STK39: variants seen among roughly 807,000 people sequenced by gnomAD.
STK39 encodes serine/threonine kinase 39.
Under a neutral mutation model 77.8 loss-of-function variants are expected in STK39, and 20 were observed. The observed-to-expected ratio is 0.26, with a 90% CI of 0.18 to 0.37. STK39 has a LOEUF of 0.37. Ranked by LOEUF, STK39 falls within the 10% of genes least tolerant of loss-of-function variation. The pLI is 1.00. For synonymous variants in STK39, 246 were observed against 234.1 expected, an observed-to-expected ratio of 1.05 and a Z score of -0.47; for missense variants, 479 against 656.5, an observed-to-expected ratio of 0.73 and a Z score of 2.95.
intron 2 of STK39, among the ~76,000 whole-genome samples, chr2:168,173,747 C>T (rs1688886607): frequency 2.0e-5 from 3 of 152,088 alleles, no homozygotes; most frequent in African/African-American, 4.8e-5. Flanking sequence ...TAGGGTTTCA[C>T]CATTTTGGCC....
rs963383776 is a variant in STK39, at chr2:168,072,277, T to C, written c.1242+2705A>G. Among the ~76,000 whole-genome samples, 28 of 152,330 alleles carry C rather than the reference T, an allele frequency of 1.8e-4. 1 individual carries two copies. Among genetic ancestry groups the C allele is most frequent in the African/African-American group, 6.3e-4 (26 of 41,572 alleles). On this transcript the variant is annotated intron_variant, in intron 12 of 17. Transcript: ENST00000355999. ...AAACTCTGTTCAAACTGATGACTTC[T>C]GTGGAACAAAGTGATAGTTACAGGG...
At chr2:168,098,096 CTCT>C (rs1177113066) in intron 10 of STK39, among the ~76,000 whole-genome samples, 3 of 152,220 alleles carry the variant, frequency 2.0e-5, no homozygotes, top group Admixed American at 2.0e-4. Context: ...ACTAGATTTA[CTCT>C]TCTTTATCAT....
intron 1 of STK39, among the ~76,000 whole-genome samples, chr2:168,234,337 G>C (rs971436711): frequency 6.6e-6 from 1 of 152,186 alleles, no homozygotes; most frequent in Non-Finnish European, 1.5e-5. Context: ...CAGTGTAACC[G>C]AAGGACTGTA....
intron 16 of STK39, among the ~76,000 whole-genome samples, chr2:167,999,956 C>T (rs1187143043): frequency 6.6e-6 from 1 of 152,184 alleles, no homozygotes; most frequent in African/African-American, 2.4e-5. Flanking sequence ...CTCATACTGG[C>T]TGGTGATACA....
At chr2:167,970,924 G>GA (rs1692322519) in intron 16 of STK39, among the ~76,000 whole-genome samples, 1 of 152,226 alleles carries the variant, frequency 6.6e-6, no homozygotes, top group East Asian at 1.9e-4. Context: ...GGCACCCCTG[G>GA]AGTCTCTCTA....
At chr2:168,060,097 C>A (rs937111781) in intron 14 of STK39, among the ~76,000 whole-genome samples, 1 of 152,092 alleles carries the variant, frequency 6.6e-6, no homozygotes, top group Non-Finnish European at 1.5e-5. Flanking sequence ...CTTTCAAAGG[C>A]TATTTCTCAA....
At chr2:167,967,267 T>G (rs1481164414) in intron 16 of STK39, among the ~76,000 whole-genome samples, 1 of 152,168 alleles carries the variant, frequency 6.6e-6, no homozygotes, top group East Asian at 1.9e-4. Flanking sequence ...GCTATCTTCT[T>G]TGAACTAGTC....
intron 16 of STK39, among the ~76,000 whole-genome samples, chr2:168,001,929 T>C (rs1384860653): frequency 6.6e-6 from 1 of 152,370 alleles, no homozygotes; most frequent in East Asian, 1.9e-4. Context: ...TTACTTCCAC[T>C]AGAAATATAT....
chr2:168,172,301 T>C (rs982703171), intron 2 of STK39, among the ~76,000 whole-genome samples: 6 of 152,224 alleles, frequency 3.9e-5, no homozygotes, highest in African/African-American at 1.4e-4. Flanking sequence ...GCCGTCACTT[T>C]TTCCAACAGA....
intron 14 of STK39, among the ~76,000 whole-genome samples, chr2:168,033,904 T>C (rs1052733265): frequency 6.6e-6 from 1 of 152,224 alleles, no homozygotes; most frequent in Non-Finnish European, 1.5e-5. Flanking sequence ...ATGGCATAAC[T>C]ATGAGGAGAA....
Position 168,161,151 on chromosome 2 carries a change from C to T in STK39, c.628+636G>A, listed in dbSNP as rs138191591. Among the ~76,000 whole-genome samples the T allele has an allele frequency of 1.8e-4, 27 of 152,200 alleles. No individual in the cohort carries two copies. The East Asian group carries it at 5.0e-3, about 28-fold the overall frequency. On this transcript the variant is annotated intron_variant, in intron 5 of 17. Coordinates refer to ENST00000355999, the MANE Select transcript of STK39 (RefSeq NM_013233.3). ...AAGGATTGCTGAGACAGACTTTCAA[C>T]GACATGGGTAAAGCAAGAGTTAATA...
At chr2:168,096,915 A>C (rs16854709) in intron 10 of STK39, among the ~76,000 whole-genome samples, 7,050 of 151,958 alleles carry the variant, frequency 0.046, 437 homozygotes, top group African/African-American at 0.14. Context: ...AGAAAAAAAA[A>C]CCTGCCTTTC....
intron 1 of STK39, among the ~76,000 whole-genome samples, chr2:168,241,159 A>G (rs1489613667): frequency 1.3e-5 from 2 of 152,242 alleles, no homozygotes; most frequent in Admixed American, 6.5e-5. Flanking sequence ...TCATTTAAAC[A>G]TAAGAGACAG....
intron 14 of STK39, among the ~76,000 whole-genome samples, chr2:168,036,290 G>A (rs977889115): frequency 1.3e-5 from 2 of 151,890 alleles, no homozygotes; most frequent in African/African-American, 4.8e-5. Flanking sequence ...AAGGCAGTGG[G>A]CTCCTGACCC....
chr2:168,099,050 G>A (rs1686749561), intron 10 of STK39, among the ~76,000 whole-genome samples: 2 of 152,206 alleles, frequency 1.3e-5, no homozygotes, highest in African/African-American at 4.8e-5. Flanking sequence ...CATCTCAGTT[G>A]AGGTCCCAGC....
intron 10 of STK39, among the ~76,000 whole-genome samples, chr2:168,094,463 T>G (rs1463936925): frequency 6.6e-6 from 1 of 151,574 alleles, no homozygotes; most frequent in Non-Finnish European, 1.5e-5. Context: ...ACAACCAAAC[T>G]TTGAAAAATC....
chr2:168,199,783 G>T (rs932804542), intron 1 of STK39, among the ~76,000 whole-genome samples: 1 of 152,120 alleles, frequency 6.6e-6, no homozygotes, highest in African/African-American at 2.4e-5. Context: ...AAAGTGCTGG[G>T]ATTACAGGCG....
At chr2:168,188,959 C>A (rs971515521) in intron 1 of STK39, among the ~76,000 whole-genome samples, 7 of 152,210 alleles carry the variant, frequency 4.6e-5, no homozygotes, top group African/African-American at 1.7e-4. Context: ...CAGCTACAAA[C>A]TGGTGACCCT....
chr2:168,221,271 G>GA (rs1398101845), intron 1 of STK39, among the ~76,000 whole-genome samples: 1 of 152,148 alleles, frequency 6.6e-6, no homozygotes, highest in Non-Finnish European at 1.5e-5. Flanking sequence ...CTTCCTTGTT[G>GA]AAAGTTTAAA....
Sources: gnomAD v4.1 joint callset for allele counts (sites outside exome capture counted in the v4.1 genomes callset) on GRCh38, gnomAD v4.1.1 for gene constraint, MANE v1.5 for transcripts, NCBI Gene and HGNC (gene_info 2026-07-23, HGNC 2026-07-21) for gene names.